DDI2: variants seen among roughly 807,000 people sequenced by gnomAD.
DDI2 encodes protein DDI1 homolog 2.
DDI2 carries 5 observed loss-of-function variants against 48.1 expected under a neutral mutation model. That is an observed-to-expected ratio of 0.10 (90% CI 0.05 to 0.22). The LOEUF (loss-of-function observed/expected upper bound fraction) is 0.22. Among genes scored for constraint, DDI2 ranks in the 10% least tolerant of loss-of-function variants. DDI2 has a pLI of 1.00. For missense variants in DDI2, 285 were observed against 506.2 expected (o/e 0.56, Z 4.19); for synonymous variants, 205 against 183.6 (o/e 1.12, Z -0.94).
At chr1:15,631,601 A>G (rs1210331426) in intron 3 of DDI2, among the ~76,000 whole-genome samples, 1 of 152,160 alleles carries the variant, frequency 6.6e-6, no homozygotes, top group Non-Finnish European at 1.5e-5. Context: ...TAAATATACA[A>G]TTCCTTGAGT....
rs1185677945 is a variant in DDI2, at chr1:15,661,575, A to C, written c.*1785A>C. 2 of 1,614,146 alleles carry C rather than the reference A, an allele frequency of 1.2e-6. No individual in the cohort carries two copies. The highest frequency in any genetic ancestry group is 1.7e-6 in the Non-Finnish European group (2 of 1,180,016). ...CATCAAGTCCTGCCATTCTTCCACC[A>C]TTGATTTTTCCTGCCACAGATATTG... On this transcript the variant is annotated 3_prime_UTR_variant, in exon 10 of 10. Coordinates refer to ENST00000480945, the MANE Select transcript of DDI2 (RefSeq NM_032341.5).
In DDI2 at chr1:15,638,291, T is replaced by C; in HGVS notation, c.633-16T>C. On this transcript the variant is annotated splice_polypyrimidine_tract_variant and intron_variant, in intron 4 of 9. Coordinates refer to ENST00000480945, the MANE Select transcript of DDI2 (RefSeq NM_032341.5). Reference sequence around the variant, plus strand: ...GAATTAATGCTTTCAGTGTCCCTGGTCTTGTTCTGTTACAGGCAACAGAAC... The same window carrying C: ...GAATTAATGCTTTCAGTGTCCCTGGCCTTGTTCTGTTACAGGCAACAGAAC... 6.2e-7 allele frequency: 1 copy of C among 1,613,414 alleles called. No individual in the cohort carries two copies. The highest frequency in any genetic ancestry group is 8.5e-7 in the Non-Finnish European group (1 of 1,179,618).
chr1:15,646,559 T>C (rs1372200940), intron 6 of DDI2, among the ~76,000 whole-genome samples: 1 of 151,924 alleles, frequency 6.6e-6, no homozygotes, highest in Non-Finnish European at 1.5e-5. Flanking sequence ...TGGTGGCGGG[T>C]GCCTGTAATC....
In DDI2 at chr1:15,645,887, G is replaced by A. The variant is rs932557564; in HGVS notation, c.889+2237G>A. 2.0e-5 allele frequency among the ~76,000 whole-genome samples: 3 copies of A among 149,454 alleles called. No homozygotes were observed. In the East Asian group the frequency reaches 5.8e-4, roughly 29 times the overall value. ...CGTCTCAAAAAAAAAAAAAAAAAGAGTGGGCCACCAAAAGGCTTGTTTGGT... is the reference window on the plus strand; with the variant it reads ...CGTCTCAAAAAAAAAAAAAAAAAGAATGGGCCACCAAAAGGCTTGTTTGGT... On this transcript the variant is annotated intron_variant, in intron 6 of 9. Coordinates refer to ENST00000480945, the MANE Select transcript of DDI2 (RefSeq NM_032341.5).
chr1:15,660,361 C>G lies in DDI2; in HGVS notation c.*571C>G, dbSNP rs1640347400. ...TCAGAACCTGAGTCAAGTGAGTGAC[C>G]CTCAGCAGCACGAAGAACCAGGGAA... is the stretch of plus-strand genomic sequence containing the variant. On this transcript the variant is annotated 3_prime_UTR_variant, in exon 10 of 10. Transcript: ENST00000480945. The G allele has an allele frequency of 6.2e-7, 1 of 1,613,978 alleles. No individual in the cohort carries two copies. The highest frequency in any genetic ancestry group is 1.3e-5 in the African/African-American group (1 of 74,996).
At position 15,668,982 on chromosome 1, in the gene DDI2, T is replaced by C. The variant is rs1640491249; in HGVS notation, c.*9192T>C. 6.6e-6 allele frequency: 1 copy of C among 152,226 alleles called. No homozygotes were observed. The highest frequency in any genetic ancestry group is 1.5e-5 in the Non-Finnish European group (1 of 68,040). The allele number at this position is 152,226 out of a possible 1,614,324, so 9.4% of individuals were successfully genotyped here. On this transcript the variant is annotated 3_prime_UTR_variant, in exon 10 of 10. Coordinates refer to ENST00000480945, the MANE Select transcript of DDI2 (RefSeq NM_032341.5). ...TTTTTCTTTTTTTAAATAGGAACTT[T>C]CTGAAGAAAAAGTGGTGTGTAAAAC...
chr1:15,648,308 C>T (rs909916714), intron 6 of DDI2, among the ~76,000 whole-genome samples: 1 of 152,182 alleles, frequency 6.6e-6, no homozygotes, highest in Non-Finnish European at 1.5e-5. Context: ...GTGGATTTTA[C>T]AACCGTGGCT....
chr1:15,622,708 A>G (rs567136316), intron 1 of DDI2, among the ~76,000 whole-genome samples: 11 of 152,292 alleles, frequency 7.2e-5, no homozygotes, highest in African/African-American at 2.6e-4. Flanking sequence ...GCCATGTCTA[A>G]TAGATACTGA....
rs1404588372 is a variant in DDI2, at chr1:15,660,711, T to C, written c.*921T>C. The C allele has an allele frequency of 1.9e-6, 3 of 1,613,866 alleles. No homozygotes were observed. The highest frequency in any genetic ancestry group is 1.7e-5 in the Admixed American group (1 of 59,960). ...AGAACATTGGTGCATTGGATCTCAC[T>C]TTAGATAATCCCTTGATGGAAGTAG... On this transcript the variant is annotated 3_prime_UTR_variant, in exon 10 of 10. Coordinates refer to ENST00000480945, the MANE Select transcript of DDI2 (RefSeq NM_032341.5).
chr1:15,625,428 GT>G (rs60801260), intron 1 of DDI2, among the ~76,000 whole-genome samples: 47,107 of 151,982 alleles, frequency 0.31, 7,981 homozygotes, highest in African/African-American at 0.42. Flanking sequence ...CAGATTTTAT[GT>G]TTTTTCATGA....
At chr1:15,636,211 C>T (rs541020573) in intron 4 of DDI2, among the ~76,000 whole-genome samples, 1 of 152,182 alleles carries the variant, frequency 6.6e-6, no homozygotes, top group East Asian at 1.9e-4. Flanking sequence ...GGCTCATAGC[C>T]TCAACTTCTT....
chr1:15,664,072 A>G lies in DDI2; in HGVS notation c.*4282A>G, dbSNP rs541025721. On this transcript the variant is annotated 3_prime_UTR_variant, in exon 10 of 10. Coordinates refer to ENST00000480945, the MANE Select transcript of DDI2 (RefSeq NM_032341.5). ...CTTGCCAAATATCCTTGTCCCTTCC[A>G]TCATTTTATTTTTGAGATGGGGTCT... is the stretch of plus-strand genomic sequence containing the variant. 13 of 152,150 alleles carry G rather than the reference A, an allele frequency of 8.5e-5. No individual in the cohort carries two copies. The highest frequency in any genetic ancestry group is 1.9e-4 in the Non-Finnish European group (13 of 68,034). The allele number at this position is 152,150 out of a possible 1,614,324, so 9.4% of individuals were successfully genotyped here.
Position 15,660,227 on chromosome 1 carries a change from G to A in DDI2, c.*437G>A. The A allele has an allele frequency of 6.2e-7, 1 of 1,614,164 alleles. No homozygotes were observed. The highest frequency in any genetic ancestry group is 8.5e-7 in the Non-Finnish European group (1 of 1,180,028). ...AAATCTGCTGAAAGAAGCACCCAGG[G>A]CCTCAAATTTCATCTCCATACAAGA... is the stretch of plus-strand genomic sequence containing the variant. On this transcript the variant is annotated 3_prime_UTR_variant, in exon 10 of 10. Coordinates refer to ENST00000480945, the MANE Select transcript of DDI2 (RefSeq NM_032341.5).
rs985353928 is a variant in DDI2, at chr1:15,666,761, A to T, written c.*6971A>T. 1 of 152,172 alleles carries T rather than the reference A, an allele frequency of 6.6e-6. No individual in the cohort carries two copies. Among genetic ancestry groups the T allele is most frequent in the Admixed American group, 6.5e-5 (1 of 15,272 alleles). 9.4% of individuals were successfully genotyped at this position (152,172 alleles called of 1,614,324 possible). ...CAGTCTAGAAGGGAGACGTGAAACAAATTTTAGCTTCAAAAGCAACATCTA... is the reference window on the plus strand; with the variant it reads ...CAGTCTAGAAGGGAGACGTGAAACATATTTTAGCTTCAAAAGCAACATCTA... On this transcript the variant is annotated 3_prime_UTR_variant, in exon 10 of 10. Coordinates refer to ENST00000480945, the MANE Select transcript of DDI2 (RefSeq NM_032341.5).
At chr1:15,651,387 T>C (rs1487603277) in intron 7 of DDI2, among the ~76,000 whole-genome samples, 2 of 152,124 alleles carry the variant, frequency 1.3e-5, no homozygotes, top group African/African-American at 4.8e-5. Context: ...GGCACAATCT[T>C]GGCTCACTGC....
chr1:15,655,424 G>T (rs1426046029), intron 8 of DDI2, among the ~76,000 whole-genome samples: 1 of 150,638 alleles, frequency 6.6e-6, no homozygotes. Flanking sequence ...TTTGAGACCA[G>T]CCTGGGCAGC....
At chr1:15,636,313 A>G (rs1639928203) in intron 4 of DDI2, among the ~76,000 whole-genome samples, 2 of 152,064 alleles carry the variant, frequency 1.3e-5, no homozygotes, top group Admixed American at 1.3e-4. Flanking sequence ...TATTTTGTAG[A>G]GACGAGGTTT....
intron 8 of DDI2, among the ~76,000 whole-genome samples, chr1:15,653,858 G>C: frequency 6.6e-6 from 1 of 152,092 alleles, no homozygotes; most frequent in East Asian, 1.9e-4. Flanking sequence ...ATTGTCATCA[G>C]GCCATATTAG....
chr1:15,633,371 T>C, intron 3 of DDI2, 68 bp from the exon 4 acceptor site: 1 of 1,556,072 alleles, frequency 6.4e-7, no homozygotes, highest in Non-Finnish European at 8.7e-7. Context: ...AATTGTTTGG[T>C]GTGGAAAAGT....
Sources: allele counts gnomAD v4.1 joint callset (sites outside exome capture counted in the v4.1 genomes callset), GRCh38; gene constraint gnomAD v4.1.1; transcripts MANE v1.5; gene names NCBI Gene and HGNC (gene_info 2026-07-23, HGNC 2026-07-21).